Variants in ABR observed in about 807,000 individuals in gnomAD.
ABR encodes the protein ABR activator of RhoGEF and GTPase.
A neutral mutation model predicts 107.2 loss-of-function variants in ABR; 35 were observed. The ratio of observed to expected loss-of-function variants is 0.33; its 90% confidence interval spans 0.25 to 0.43. The LOEUF (loss-of-function observed/expected upper bound fraction) is 0.43, where lower values mean the gene tolerates loss of function less well. Among genes scored for constraint, ABR ranks in the 20% least tolerant of loss-of-function variants. The pLI, the probability that ABR is intolerant of heterozygous loss-of-function variation, is 1.00. For missense variants in ABR, 815 were observed against 1,115.2 expected (o/e 0.73, Z 3.83); for synonymous variants, 498 against 462.0 (o/e 1.08, Z -1.00).
intron 1 of ABR, among the ~76,000 whole-genome samples, chr17:1,220,989 G>A (rs975761602): frequency 6.6e-5 from 10 of 152,270 alleles, no homozygotes; most frequent in East Asian, 3.9e-4. Context: ...GCACAGGGCC[G>A]TGGCTCCGTT....
At chr17:1,021,467 G>A (rs1300357422) in intron 16 of ABR, among the ~76,000 whole-genome samples, 2 of 152,246 alleles carry the variant, frequency 1.3e-5, no homozygotes, top group African/African-American at 4.8e-5. Flanking sequence ...ATCCCAGAAT[G>A]CGGGAGGGTT....
At chr17:1,183,695 G>A (rs764430205), upstream of ABR, among the ~76,000 whole-genome samples, 1 of 152,148 alleles carries the variant, frequency 6.6e-6, no homozygotes, top group African/African-American at 2.4e-5. Flanking sequence ...GAAGGCCCCA[G>A]GAGTCTCTGC....
chr17:1,017,792 G>A (rs543145945), intron 16 of ABR, among the ~76,000 whole-genome samples: 6 of 151,402 alleles, frequency 4.0e-5, no homozygotes, highest in African/African-American at 1.5e-4. Flanking sequence ...TAGTAGAGAT[G>A]GGGTTTCACC....
intron 2 of ABR, 21 bp from the exon 3 acceptor site, chr17:1,100,756 G>A (rs1191354761): frequency 1.2e-6 from 2 of 1,612,608 alleles, no homozygotes; most frequent in African/African-American, 1.3e-5. Context: ...GCAAAGCACA[G>A]CCAACAGCTC....
Position 1,064,622 on chromosome 17 carries a change from C to CT in ABR, c.1182+2454dup, listed in dbSNP as rs199829080. Among the ~76,000 whole-genome samples, 152 of 105,756 alleles carry CT rather than the reference C, an allele frequency of 1.4e-3. 11 individuals are homozygous for CT. Among genetic ancestry groups the CT allele is most frequent in the African/African-American group, 5.2e-3 (145 of 27,774 alleles). The allele number at this position is 105,756 out of a possible 152,430, so 69.4% of individuals were successfully genotyped here. On this transcript the variant is annotated intron_variant, in intron 10 of 22. Transcript: ENST00000302538. ...AGGGCTATGTATGTTCCTCTAGACA[C>CT]TGTTGTTATGTGAACTGAGGGCTAT...
intron 2 of ABR, chr17:1,109,088 G>C: frequency 6.3e-7 from 1 of 1,592,786 alleles, no homozygotes; most frequent in Non-Finnish European, 8.5e-7. Context: ...AGCCCGCGGA[G>C]GGCAGACAGG....
chr17:1,167,152 C>T (rs2041543904), intron 1 of ABR, among the ~76,000 whole-genome samples: 1 of 140,314 alleles, frequency 7.1e-6, no homozygotes, highest in Non-Finnish European at 1.6e-5. Flanking sequence ...AAGCCTTGAG[C>T]TCTGGCTGGG....
chr17:1,098,122 G>T (rs1459826309), intron 3 of ABR, among the ~76,000 whole-genome samples: 1 of 150,932 alleles, frequency 6.6e-6, no homozygotes, highest in Non-Finnish European at 1.5e-5. Context: ...GCCCAGGCTG[G>T]AGTGCAGTGG....
chr17:1,192,111 G>T (rs1158026380), upstream of ABR, among the ~76,000 whole-genome samples: 1 of 152,096 alleles, frequency 6.6e-6, no homozygotes, highest in African/African-American at 2.4e-5. Context: ...ATTCCAGGAA[G>T]TTTAATGGGT....
Position 1,013,168 on chromosome 17 carries a change from C to CAG in ABR, c.1792-6_1792-5dup. The CAG allele has an allele frequency of 6.2e-7, 1 of 1,614,086 alleles. No individual in the cohort carries two copies. The highest frequency in any genetic ancestry group is 8.5e-7 in the Non-Finnish European group (1 of 1,179,936). ...TCTCCACGGTTTGTGGGTCCAGCTGCAGAGAGAGAATGTGGGTGAGAGAGG... is the reference window on the plus strand; with the variant it reads ...TCTCCACGGTTTGTGGGTCCAGCTGCAGAGAGAGAGAATGTGGGTGAGAGAGG... On this transcript the variant is annotated splice_region_variant and splice_polypyrimidine_tract_variant and intron_variant, in intron 16 of 22. Coordinates refer to ENST00000302538, the MANE Select transcript of ABR (RefSeq NM_021962.5).
At chr17:1,068,107 A>G (rs1255304683) in intron 9 of ABR, among the ~76,000 whole-genome samples, 1 of 152,042 alleles carries the variant, frequency 6.6e-6, no homozygotes, top group African/African-American at 2.4e-5. Flanking sequence ...TAATTTTTGT[A>G]CTTTCAGTAG....
At chr17:1,025,467 G>A (rs1054868463) in intron 16 of ABR, among the ~76,000 whole-genome samples, 4 of 152,066 alleles carry the variant, frequency 2.6e-5, no homozygotes, top group South Asian at 2.1e-4. Context: ...AACACCCCGC[G>A]GCTTCCCACT....
rs1188232248 is a variant in ABR, at chr17:1,157,470, C to T, written c.61+22197G>A. 6.6e-5 allele frequency among the ~76,000 whole-genome samples: 10 copies of T among 152,214 alleles called. No individual in the cohort carries two copies. The highest frequency in any genetic ancestry group is 1.9e-4 in the African/African-American group (8 of 41,522). ...CTCACCATGTTGGCCAGGCTGGTCT[C>T]GAACTCCTGACCTCATGTGATCTGC... On this transcript the variant is annotated intron_variant, in intron 1 of 22. Coordinates refer to ENST00000302538, the MANE Select transcript of ABR (RefSeq NM_021962.5). The surrounding 1 kb of genome is among the most constrained non-coding windows in gnomAD (Gnocchi z 4.7).
chr17:1,079,618 A>G (rs905064466), intron 5 of ABR, among the ~76,000 whole-genome samples: 2 of 151,794 alleles, frequency 1.3e-5, no homozygotes, highest in African/African-American at 4.8e-5. Context: ...GTGAAACCCC[A>G]TCTCTACTAA....
At chr17:1,099,475 G>T (rs959930048) in intron 3 of ABR, among the ~76,000 whole-genome samples, 2 of 152,184 alleles carry the variant, frequency 1.3e-5, no homozygotes, top group Non-Finnish European at 2.9e-5. Flanking sequence ...AACACCTCAC[G>T]TCATGGCAAG....
intron 5 of ABR, 90 bp downstream of exon 5, chr17:1,083,430 G>A (rs1002760955): frequency 3.5e-5 from 30 of 866,656 alleles, no homozygotes; most frequent in South Asian, 6.8e-5. Context: ...CCACTTCACC[G>A]ACTGGCAAGC....
chr17:1,204,839 C>G (rs1362112145), intron 1 of ABR, among the ~76,000 whole-genome samples: 1 of 150,698 alleles, frequency 6.6e-6, no homozygotes, highest in Non-Finnish European at 1.5e-5. Context: ...ATGATGCTTG[C>G]ACAACAGTGA....
chr17:1,178,943 A>G (rs1453464087), intron 1 of ABR, among the ~76,000 whole-genome samples: 16 of 151,852 alleles, frequency 1.1e-4, no homozygotes, highest in Non-Finnish European at 1.8e-4. Flanking sequence ...GGGCCATGCA[A>G]GAGCAATCAC....
chr17:1,170,523 G>A (rs1441126127), intron 1 of ABR, among the ~76,000 whole-genome samples: 2 of 152,048 alleles, frequency 1.3e-5, no homozygotes, highest in East Asian at 1.9e-4. Flanking sequence ...TACAACCTCC[G>A]CCTCCCGGAT....
Sources: allele counts gnomAD v4.1 joint callset (sites outside exome capture counted in the v4.1 genomes callset), GRCh38; gene constraint gnomAD v4.1.1; non-coding constraint Gnocchi (gnomAD v3.1); transcripts MANE v1.5; gene names NCBI Gene and HGNC (gene_info 2026-07-23, HGNC 2026-07-21).